PHC1: variants seen among roughly 807,000 people sequenced by gnomAD.
PHC1 encodes polyhomeotic-like protein 1.
A neutral mutation model predicts 104.3 loss-of-function variants in PHC1; 12 were observed. The ratio of observed to expected loss-of-function variants is 0.12; its 90% CI spans 0.07 to 0.19. The LOEUF (loss-of-function observed/expected upper bound fraction) is 0.19. PHC1 is among the 10% of genes least tolerant of loss of function. PHC1 has a pLI of 1.00. For synonymous variants in PHC1, 302 were observed against 455.8 expected (o/e 0.66, Z 4.30); for missense variants, 671 against 1,200.0 (o/e 0.56, Z 6.51).
chr12:8,934,706 A>G (rs1945785750), intron 10 of PHC1, among the ~76,000 whole-genome samples: 1 of 152,220 alleles, frequency 6.6e-6, no homozygotes, highest in Admixed American at 6.5e-5. Flanking sequence ...TAAAACTGTA[A>G]TGTTTAGTTA....
At chr12:8,926,788 C>T (rs1252240688) in intron 6 of PHC1, among the ~76,000 whole-genome samples, 1 of 151,724 alleles carries the variant, frequency 6.6e-6, no homozygotes, top group Non-Finnish European at 1.5e-5. Flanking sequence ...GGTGGCACAT[C>T]CCTGTAATCC....
At chr12:8,931,596 A>T (rs946051230) in intron 7 of PHC1, among the ~76,000 whole-genome samples, 3 of 152,208 alleles carry the variant, frequency 2.0e-5, no homozygotes, top group African/African-American at 7.2e-5. Context: ...GCTGCTCGGG[A>T]GGCTGAAGCA....
chr12:8,927,888 TCTTTCTTTCTTTCTTTC>T (rs1945566494), intron 6 of PHC1, among the ~76,000 whole-genome samples: 1 of 112,642 alleles, frequency 8.9e-6, no homozygotes, highest in Admixed American at 8.9e-5. Flanking sequence ...TTTCTTTCTT[TCTTTCTTTCTTTCTTTC>T]TTTCTTTCTT....
At chr12:8,915,678 C>G (rs1451131529) in intron 1 of PHC1, 1 of 98,266 alleles carries the variant, frequency 1.0e-5, no homozygotes, top group Non-Finnish European at 2.3e-5. Flanking sequence ...GCTGCCCAAA[C>G]TGTTTGTTGT....
chr12:8,917,080 TTTAACCTCAG>T (rs1945224553), intron 1 of PHC1, among the ~76,000 whole-genome samples: 1 of 152,232 alleles, frequency 6.6e-6, no homozygotes, highest in Non-Finnish European at 1.5e-5. Flanking sequence ...GGGCAACTTC[TTTAACCTCAG>T]AAAACCTTAT....
Position 8,939,508 on chromosome 12 carries a change from C to T in PHC1, c.*49C>T, listed in dbSNP as rs1430799401. 6.6e-6 allele frequency: 7 copies of T among 1,054,948 alleles called. No individual in the cohort carries two copies. Among genetic ancestry groups the T allele is most frequent in the African/African-American group, 1.6e-5 (1 of 61,158 alleles). 65.3% of individuals were successfully genotyped at this position (1,054,948 alleles called of 1,614,324 possible). A position where few individuals can be genotyped will look rare whatever the true frequency, so the allele number is the denominator to read the frequency against. On this transcript the variant is annotated 3_prime_UTR_variant, in exon 15 of 15. Coordinates refer to ENST00000544916, the MANE Select transcript of PHC1 (RefSeq NM_004426.3). ...CCTAAGGCAGACACTCTCCACTGTC[C>T]AGGTTATAACCTGGTACCAGCAGAC...
rs774177670 is a variant in PHC1, at chr12:8,936,854, A to G, written c.2369-2A>G. On this transcript the variant is annotated splice_acceptor_variant, in intron 11 of 14. Coordinates refer to ENST00000544916, the MANE Select transcript of PHC1 (RefSeq NM_004426.3). LOFTEE classifies it high-confidence loss of function. Reference sequence around the variant, plus strand: ...ACTGTCCAGCAATACCTTGTTTTTTAGAGTTAGATAAGAAGGCGAATCTCC... The same window carrying G: ...ACTGTCCAGCAATACCTTGTTTTTTGGAGTTAGATAAGAAGGCGAATCTCC... The G allele has an allele frequency of 1.9e-6, 3 of 1,596,034 alleles. No homozygotes were observed. In the African/African-American group the frequency reaches 4.0e-5, roughly 21 times the overall value.
intron 5 of PHC1, among the ~76,000 whole-genome samples, chr12:8,922,060 C>T (rs1430201266): frequency 3.9e-5 from 6 of 152,142 alleles, no homozygotes; most frequent in African/African-American, 7.2e-5. Flanking sequence ...GTGATCCACC[C>T]GCCTCGGCCT....
intron 6 of PHC1, among the ~76,000 whole-genome samples, chr12:8,924,710 A>G (rs1054617458): frequency 2.6e-5 from 4 of 152,138 alleles, no homozygotes; most frequent in Admixed American, 2.6e-4. Context: ...TGAGGGGATA[A>G]ATAAAATAGA....
intron 7 of PHC1, 130 bp downstream of exon 7, chr12:8,931,057 G>T: frequency 1.1e-6 from 1 of 896,414 alleles, no homozygotes; most frequent in Non-Finnish European, 1.7e-6. Flanking sequence ...AATAGTGGAA[G>T]GAATGGGAAT....
rs764694295 is a variant in PHC1, at chr12:8,937,236, A to G, written c.2538A>G (p.Gln846=). 84 of 1,613,490 alleles carry G rather than the reference A, an allele frequency of 5.2e-5. 1 individual carries two copies. In the East Asian group the frequency reaches 1.7e-3, roughly 33 times the overall value. ...RLKRKKMKEF[Q]EANYARVRRR... ...AGAGGAAAAAAATGAAAGAGTTTCA[A>G]GAAGCCAACTATGCTCGCGTTCGCA... Residue 846 remains glutamine, a synonymous_variant, in exon 13 of 15, where the codon CAA becomes CAG. Transcript: ENST00000544916.
Position 8,939,283 on chromosome 12 carries a change from A to G in PHC1, c.2861-22A>G, listed in dbSNP as rs1457048641. On this transcript the variant is annotated intron_variant, in intron 14 of 14. Coordinates refer to ENST00000544916, the MANE Select transcript of PHC1 (RefSeq NM_004426.3). ...TCTCCTATCATCTGGCATTACCTAC[A>G]TGTTCTCACCATTTCTTCTAGGCTG... The G allele has an allele frequency of 4.3e-6, 7 of 1,613,962 alleles. No homozygotes were observed. The Admixed American group carries it at 5.0e-5, about 12-fold the overall frequency.
At position 8,917,626 on chromosome 12, in the gene PHC1, C is replaced by G. The variant is rs748327005; in HGVS notation, c.-48-4C>G. 1.7e-5 allele frequency: 14 copies of G among 823,572 alleles called. No homozygotes were observed. Among genetic ancestry groups the G allele is most frequent in the Non-Finnish European group, 2.4e-5 (13 of 536,764 alleles). 51.0% of individuals were successfully genotyped at this position (823,572 alleles called of 1,614,324 possible). On this transcript the variant is annotated splice_region_variant and splice_polypyrimidine_tract_variant and intron_variant, in intron 1 of 14. Transcript: ENST00000544916. The stretch of plus-strand genomic sequence containing the variant: ...AATTTTAACCTTTTACTGCTTCCCT[C>G]TAGGTCTTGAGTCAGACAGAGCACC...
intron 6 of PHC1, among the ~76,000 whole-genome samples, chr12:8,927,881 C>CTT (rs1378065719): frequency 1.9e-5 from 2 of 105,224 alleles, no homozygotes; most frequent in Non-Finnish European, 1.9e-5. Context: ...TTCTTTCTTT[C>CTT]TTTCTTTCTT....
At chr12:8,926,681 G>A (rs1187853761) in intron 6 of PHC1, among the ~76,000 whole-genome samples, 1 of 151,984 alleles carries the variant, frequency 6.6e-6, no homozygotes, top group African/African-American at 2.4e-5. Context: ...AGGCTGAGGC[G>A]GGTGGATCAC....
At chr12:8,923,149 T>C (rs1261059184) in intron 6 of PHC1, among the ~76,000 whole-genome samples, 1 of 152,190 alleles carries the variant, frequency 6.6e-6, no homozygotes, top group Admixed American at 6.5e-5. Context: ...AATTCTTCTG[T>C]TAGTTAGATG....
chr12:8,921,312 G>T (rs1945355683), intron 4 of PHC1, among the ~76,000 whole-genome samples: 1 of 152,136 alleles, frequency 6.6e-6, no homozygotes, highest in Non-Finnish European at 1.5e-5. Context: ...CAAAGAAGGG[G>T]ACTAATCCCT....
chr12:8,934,793 G>A (rs2137124400), intron 10 of PHC1, among the ~76,000 whole-genome samples: 1 of 152,198 alleles, frequency 6.6e-6, no homozygotes, highest in South Asian at 2.1e-4. Flanking sequence ...TGCAGAACCA[G>A]GACTAGAACT....
At chr12:8,927,807 C>T (rs1192524282) in intron 6 of PHC1, among the ~76,000 whole-genome samples, 1 of 152,054 alleles carries the variant, frequency 6.6e-6, no homozygotes, top group African/African-American at 2.4e-5. Context: ...CTTTACTGCT[C>T]CTGCCTGAAT....
Sources: gnomAD v4.1 joint callset for allele counts (sites outside exome capture counted in the v4.1 genomes callset) on GRCh38, gnomAD v4.1.1 for gene constraint, MANE v1.5 for transcripts, NCBI Gene and HGNC (gene_info 2026-07-23, HGNC 2026-07-21) for gene names.